Variants in RIPOR2 observed in about 807,000 individuals in gnomAD.
RIPOR2 encodes the protein rho family-interacting cell polarization regulator 2.
Under a neutral mutation model 114.5 loss-of-function variants are expected in RIPOR2, and 39 were observed. The ratio of observed to expected loss-of-function variants is 0.34; its 90% CI spans 0.26 to 0.44. RIPOR2 has a LOEUF of 0.44. Among genes scored for constraint, RIPOR2 ranks in the 20% least tolerant of loss-of-function variants. The pLI, the probability that RIPOR2 is intolerant of heterozygous loss-of-function variation, is 1.00. For missense variants in RIPOR2, 1,007 were observed against 1,255.1 expected (o/e 0.80, Z 2.99); for synonymous variants, 445 against 484.4 (o/e 0.92, Z 1.07).
chr6:24,857,391 G>A (rs939161994), intron 8 of RIPOR2, among the ~76,000 whole-genome samples: 1 of 152,082 alleles, frequency 6.6e-6, no homozygotes, highest in Admixed American at 6.6e-5. Context: ...CGCACTGGGG[G>A]CTTGCAGGGG....
rs139843445 is a variant in RIPOR2 at position 24,992,806 on chromosome 6, C to T, written c.76+49045G>A. ...AAGCTGGAGGCATCACATTACTAGA[C>T]TTCAAAATATACTACAAGGCTATAG... On this transcript the variant is annotated intron_variant, in intron 1 of 13. Coordinates refer to the RIPOR2 transcript ENST00000510784. 2.2e-3 allele frequency among the ~76,000 whole-genome samples: 342 copies of T among 152,304 alleles called. 1 individual carries two copies. Among genetic ancestry groups the T allele is most frequent in the African/African-American group, 5.4e-3 (225 of 41,566 alleles).
At chr6:24,978,633 T>C (rs1774171707) in intron 1 of RIPOR2, among the ~76,000 whole-genome samples, 1 of 152,178 alleles carries the variant, frequency 6.6e-6, no homozygotes, top group South Asian at 2.1e-4. Flanking sequence ...TAATGCTTCA[T>C]GGTGAATGGA....
intron 1 of RIPOR2, among the ~76,000 whole-genome samples, chr6:25,009,482 C>T (rs934921483): frequency 3.9e-5 from 6 of 152,146 alleles, no homozygotes; most frequent in African/African-American, 9.7e-5. Context: ...CCAATGAATT[C>T]GTAGGAAATG....
rs34770819 is a variant in RIPOR2 at position 24,820,869 on chromosome 6, C to CTTTTTTTTT, written c.2869-2253_2869-2245dup. On this transcript the variant is annotated intron_variant, in intron 19 of 21. Transcript: ENST00000643898. ...TTGTGTGGACATATGGTTTAACACT[C>CTTTTTTTTT]TTTTTTTTTTTTTTTTTTTTTTTGA... Among the ~76,000 whole-genome samples the CTTTTTTTTT allele has an allele frequency of 1.1e-4, 9 of 84,050 alleles. 1 individual carries two copies. The highest frequency in any genetic ancestry group is 4.9e-4 in the Admixed American group (3 of 6,112). 55.1% of individuals were successfully genotyped at this position (84,050 alleles called of 152,430 possible).
At chr6:24,853,384 T>C (rs981094488) in intron 8 of RIPOR2, among the ~76,000 whole-genome samples, 3 of 152,216 alleles carry the variant, frequency 2.0e-5, no homozygotes, top group Non-Finnish European at 4.4e-5. Flanking sequence ...TCAGGAACTC[T>C]GGGTTTGTCC....
chr6:24,961,915 C>A (rs1773326911), intron 1 of RIPOR2, among the ~76,000 whole-genome samples: 1 of 152,178 alleles, frequency 6.6e-6, no homozygotes. Context: ...GCATGAGCCA[C>A]CGCACCTCGC....
chr6:24,984,057 C>A (rs1353199685), intron 1 of RIPOR2, among the ~76,000 whole-genome samples: 1 of 152,160 alleles, frequency 6.6e-6, no homozygotes, highest in Non-Finnish European at 1.5e-5. Context: ...TAGTGGGTGA[C>A]AACATGGAAG....
chr6:24,963,768 C>T (rs1416654605), intron 1 of RIPOR2, among the ~76,000 whole-genome samples: 1 of 145,796 alleles, frequency 6.9e-6, no homozygotes, highest in Non-Finnish European at 1.5e-5. Context: ...GTGTATTTGT[C>T]CTCCTTGGCA....
chr6:24,896,211 T>C (rs1767866641), intron 1 of RIPOR2, among the ~76,000 whole-genome samples: 1 of 152,192 alleles, frequency 6.6e-6, no homozygotes, highest in Non-Finnish European at 1.5e-5. Context: ...AGCACCACTT[T>C]ATACTGTGTG....
At chr6:25,009,378 T>C (rs950599635) in intron 1 of RIPOR2, among the ~76,000 whole-genome samples, 1 of 152,248 alleles carries the variant, frequency 6.6e-6, no homozygotes, top group Non-Finnish European at 1.5e-5. Context: ...GAGTTGTTAA[T>C]TTGGTCGATT....
At chr6:24,856,855 T>C (rs1763519837) in intron 8 of RIPOR2, among the ~76,000 whole-genome samples, 1 of 152,212 alleles carries the variant, frequency 6.6e-6, no homozygotes, top group Non-Finnish European at 1.5e-5. Context: ...GATCTGACAT[T>C]GTTACTAGAT....
intron 12 of RIPOR2, among the ~76,000 whole-genome samples, chr6:24,846,991 G>A (rs751228220): frequency 6.6e-6 from 1 of 152,122 alleles, no homozygotes; most frequent in African/African-American, 2.4e-5. Context: ...GTTTGCTGCT[G>A]CCCAGGCTGG....
At chr6:24,892,160 A>C (rs1471663995) in intron 1 of RIPOR2, among the ~76,000 whole-genome samples, 1 of 152,216 alleles carries the variant, frequency 6.6e-6, no homozygotes, top group Non-Finnish European at 1.5e-5. Flanking sequence ...CCATTCTTAC[A>C]GAGCAAGAAA....
chr6:24,890,252 A>C (rs1041163761), intron 1 of RIPOR2, among the ~76,000 whole-genome samples: 1 of 152,208 alleles, frequency 6.6e-6, no homozygotes, highest in Non-Finnish European at 1.5e-5. Flanking sequence ...AGATCAACCT[A>C]AGTTTCCATC....
chr6:24,973,595 CAAAAA>C (rs61341684), intron 1 of RIPOR2, among the ~76,000 whole-genome samples: 17 of 129,354 alleles, frequency 1.3e-4, no homozygotes, highest in African/African-American at 4.5e-4. Context: ...GACTGCATCT[CAAAAA>C]AAAAAAAAAA....
intron 1 of RIPOR2, among the ~76,000 whole-genome samples, chr6:24,951,567 T>C (rs73382361): frequency 0.017 from 2,601 of 152,312 alleles, 21 homozygotes; most frequent in African/African-American, 0.035. Context: ...TTCTTTCCAG[T>C]TCCTTTGCCT....
chr6:24,883,847 CT>C lies in RIPOR2; in HGVS notation c.62-8031del, dbSNP rs2113937872. On this transcript the variant is annotated intron_variant, in intron 1 of 21. Coordinates refer to ENST00000643898, the MANE Select transcript of RIPOR2 (RefSeq NM_001286445.3). This position sits in a 1 kb window ranked among gnomAD's most constrained non-coding sequence, Gnocchi z 4.1. ...TCTTCATGCCCGATTTGGGTTCTTCCTTTCTTTTTCCCCTAACAATGCCATC... is the reference window on the plus strand; with the variant it reads ...TCTTCATGCCCGATTTGGGTTCTTCCTTCTTTTTCCCCTAACAATGCCATC... 6.6e-6 allele frequency among the ~76,000 whole-genome samples: 1 copy of C among 152,296 alleles called. No homozygotes were observed. Among genetic ancestry groups the C allele is most frequent in the Non-Finnish European group, 1.5e-5 (1 of 68,004 alleles).
At chr6:24,890,338 G>A (rs1464173585) in intron 1 of RIPOR2, among the ~76,000 whole-genome samples, 1 of 152,184 alleles carries the variant, frequency 6.6e-6, no homozygotes, top group Non-Finnish European at 1.5e-5. Flanking sequence ...ATAAAATCAT[G>A]TCTTTTGCAG....
At chr6:25,034,632 T>C (rs993461725) in intron 1 of RIPOR2, among the ~76,000 whole-genome samples, 42 of 152,232 alleles carry the variant, frequency 2.8e-4, no homozygotes, top group Non-Finnish European at 1.5e-4. Flanking sequence ...ACCTGAGAAT[T>C]ACAGACTTCA....
Sources: gnomAD v4.1 joint callset for allele counts (sites outside exome capture counted in the v4.1 genomes callset) on GRCh38, gnomAD v4.1.1 for gene constraint, Gnocchi (gnomAD v3.1) non-coding constraint, MANE v1.5 for transcripts, NCBI Gene and HGNC (gene_info 2026-07-23, HGNC 2026-07-21) for gene names.